MBP: variants seen among roughly 807,000 people sequenced by gnomAD.
MBP encodes the protein Golli-MBP.
Under a neutral mutation model 35.8 loss-of-function variants are expected in MBP, and 16 were observed. The observed-to-expected ratio is 0.45, with a 90% confidence interval of 0.30 to 0.68. MBP has a LOEUF of 0.68. Ranked by LOEUF, MBP falls within the 30% of genes least tolerant of loss-of-function variation. The pLI is 0.08. For missense variants in MBP, 380 were observed against 404.7 expected (o/e 0.94, Z 0.52); for synonymous variants, 143 against 159.6 (o/e 0.90, Z 0.78).
chr18:76,994,513 C>T (rs989820048), intron 4 of MBP, among the ~76,000 whole-genome samples: 1 of 152,182 alleles, frequency 6.6e-6, no homozygotes, highest in Admixed American at 6.5e-5. Flanking sequence ...CGGAGCATTA[C>T]ATAGATAATG....
intron 3 of MBP, among the ~76,000 whole-genome samples, chr18:77,047,502 C>T (rs470670): frequency 0.63 from 95,352 of 152,018 alleles, 30,961 homozygotes; most frequent in African/African-American, 0.81. Flanking sequence ...TGGAGAAGGA[C>T]GTCTAGTGGC....
chr18:77,018,501 C>T (rs955388852), intron 3 of MBP, among the ~76,000 whole-genome samples: 93 of 148,320 alleles, frequency 6.3e-4, no homozygotes, highest in African/African-American at 2.0e-3. Context: ...ATTTACCCAT[C>T]CATCCATCTA....
At chr18:76,990,491 G>A (rs1969836951) in intron 4 of MBP, among the ~76,000 whole-genome samples, 1 of 152,182 alleles carries the variant, frequency 6.6e-6, no homozygotes, top group African/African-American at 2.4e-5. Context: ...TGAGGGATGA[G>A]GGATTTGATC....
At chr18:77,105,340 G>A (rs1022933560) in intron 1 of MBP, 54 bp from the exon 2 acceptor site, 18 of 1,170,406 alleles carry the variant, frequency 1.5e-5, no homozygotes, top group East Asian at 2.4e-5. Context: ...TAGAGTTTTC[G>A]ATGTTGTTTT....
chr18:77,019,138 T>C (rs1971877856), intron 3 of MBP, among the ~76,000 whole-genome samples: 1 of 152,136 alleles, frequency 6.6e-6, no homozygotes, highest in Non-Finnish European at 1.5e-5. Flanking sequence ...TGAGTTACAG[T>C]GATTGTAATT....
chr18:77,057,966 A>G lies in MBP; in HGVS notation c.139+8332T>C, dbSNP rs1423859417. On this transcript the variant is annotated intron_variant, in intron 3 of 8. Transcript: ENST00000355994. ...CTCAGCCTCCCGAGTAGCTGGGACT[A>G]CAGGCGCCCGCCACTACGCCCGGCT... is the stretch of plus-strand genomic sequence containing the variant. Among the ~76,000 whole-genome samples, 2 of 61,610 alleles carry G rather than the reference A, an allele frequency of 3.2e-5. 1 individual carries two copies. 40.4% of individuals were successfully genotyped at this position (61,610 alleles called of 152,430 possible). A position where few individuals can be genotyped will look rare whatever the true frequency, so the allele number is the denominator to read the frequency against.
chr18:77,083,438 CT>C (rs1443591216), intron 2 of MBP, among the ~76,000 whole-genome samples: 1 of 152,176 alleles, frequency 6.6e-6, no homozygotes, highest in Non-Finnish European at 1.5e-5. Context: ...ACAGGAAGCA[CT>C]TTTGATAACA....
intron 3 of MBP, among the ~76,000 whole-genome samples, chr18:77,054,304 G>A (rs1006304091): frequency 6.6e-6 from 1 of 152,264 alleles, no homozygotes; most frequent in Admixed American, 6.5e-5. Context: ...AGTGGGAGAT[G>A]TCAACGAGAA....
chr18:77,043,997 T>A (rs1237799558), intron 3 of MBP, among the ~76,000 whole-genome samples: 6 of 149,396 alleles, frequency 4.0e-5, no homozygotes, highest in Non-Finnish European at 7.5e-5. Flanking sequence ...GTCTCCTGAT[T>A]TCTGCGTTTT....
In MBP at chr18:77,086,030, G is replaced by GA. The variant is rs549943259; in HGVS notation, c.51+19180dup. Reference sequence around the variant, plus strand: ...AGTGACAGACAGACAGACAAACAGAGAGAGAGAGAGACTGATTCTAACTGC... The same window carrying GA: ...AGTGACAGACAGACAGACAAACAGAGAAGAGAGAGAGACTGATTCTAACTGC... On this transcript the variant is annotated intron_variant, in intron 2 of 8. Transcript: ENST00000355994. 3.1e-4 allele frequency among the ~76,000 whole-genome samples: 47 copies of GA among 152,314 alleles called. No homozygotes were observed. In the South Asian group the frequency reaches 6.2e-3, roughly 20 times the overall value.
chr18:77,060,765 A>G (rs1485142499), intron 3 of MBP, among the ~76,000 whole-genome samples: 2 of 152,068 alleles, frequency 1.3e-5, no homozygotes, highest in Admixed American at 6.5e-5. Context: ...TGTTCTCTCA[A>G]TGGGCCCTTG....
chr18:77,050,226 T>C (rs773711552), intron 3 of MBP, among the ~76,000 whole-genome samples: 16 of 152,244 alleles, frequency 1.1e-4, no homozygotes, highest in Admixed American at 7.2e-4. Context: ...TCCAAACTTG[T>C]TCAGTTTTGA....
intron 2 of MBP, among the ~76,000 whole-genome samples, chr18:77,072,475 A>G (rs1261606802): frequency 1.3e-5 from 2 of 152,332 alleles, no homozygotes; most frequent in East Asian, 3.9e-4. Flanking sequence ...CCTGGGTAAC[A>G]GGGAAAATAA....
chr18:76,993,772 G>A (rs1291049304), intron 4 of MBP, among the ~76,000 whole-genome samples: 4 of 152,118 alleles, frequency 2.6e-5, no homozygotes, highest in Non-Finnish European at 5.9e-5. Context: ...CTTCATGGCG[G>A]GTACCCCTCT....
At chr18:77,123,986 C>A (rs1976964858) in intron 1 of MBP, among the ~76,000 whole-genome samples, 1 of 152,138 alleles carries the variant, frequency 6.6e-6, no homozygotes, top group South Asian at 2.1e-4. Flanking sequence ...GTGGAGCTGC[C>A]CTGAGCTCCA....
At chr18:77,077,823 T>C (rs1430235237) in intron 2 of MBP, among the ~76,000 whole-genome samples, 1 of 152,214 alleles carries the variant, frequency 6.6e-6, no homozygotes, top group Non-Finnish European at 1.5e-5. Context: ...ATAAGGCACA[T>C]TATAGAATCT....
In MBP at chr18:77,089,777, G is replaced by A. The variant is rs117279557; in HGVS notation, c.51+15434C>T. Among the ~76,000 whole-genome samples the A allele has an allele frequency of 3.3e-5, 5 of 152,320 alleles. No homozygotes were observed. The East Asian group carries it at 9.6e-4, about 29-fold the overall frequency. ...GTCTGACAGCAAAAATACAGCATAG[G>A]GAGTCTGGCTGGTGCATCTGCCTGA... On this transcript the variant is annotated intron_variant, in intron 2 of 8. Coordinates refer to ENST00000355994, the MANE Select transcript of MBP (RefSeq NM_001025101.2).
chr18:77,092,200 A>C (rs1975555235), intron 2 of MBP, among the ~76,000 whole-genome samples: 1 of 152,278 alleles, frequency 6.6e-6, no homozygotes, highest in Admixed American at 6.5e-5. Flanking sequence ...GACCTGGCAC[A>C]GTGCGCGGCG....
chr18:77,120,790 G>C (rs1006543287), intron 1 of MBP, among the ~76,000 whole-genome samples: 6 of 152,172 alleles, frequency 3.9e-5, no homozygotes, highest in Admixed American at 2.6e-4. Context: ...AAAGAGGTCA[G>C]GAATAAACCT....
Sources: allele counts gnomAD v4.1 joint callset (sites outside exome capture counted in the v4.1 genomes callset), GRCh38; gene constraint gnomAD v4.1.1; transcripts MANE v1.5; gene names NCBI Gene and HGNC (gene_info 2026-07-23, HGNC 2026-07-21).